The following MAGI2 variants were observed in gnomAD, a reference collection of about 807,000 sequenced individuals.
MAGI2 encodes membrane associated guanylate kinase, WW and PDZ domain containing 2, also known as membrane-associated guanylate kinase, WW and PDZ domain-containing protein 2.
In MAGI2, 35 loss-of-function variants were observed where a neutral mutation model predicts 133.3. The observed-to-expected ratio is 0.26, with a 90% CI of 0.20 to 0.35. The LOEUF (loss-of-function observed/expected upper bound fraction) is 0.35, where lower values mean the gene tolerates loss of function less well. Ranked by LOEUF, MAGI2 falls within the 10% of genes least tolerant of loss-of-function variation. The pLI, the probability that MAGI2 is intolerant of heterozygous loss-of-function variation, is 1.00. For missense variants in MAGI2, 1,636 were observed against 1,863.4 expected (o/e 0.88, Z 2.25); for synonymous variants, 729 against 710.6 (o/e 1.03, Z -0.41).
chr7:79,138,369 C>T (rs1175021683), intron 1 of MAGI2, among the ~76,000 whole-genome samples: 1 of 152,124 alleles, frequency 6.6e-6, no homozygotes, highest in African/African-American at 2.4e-5. Context: ...AACTGTATTC[C>T]CTTTCTGTGC....
chr7:79,107,802 C>A (rs1818569451), intron 1 of MAGI2, among the ~76,000 whole-genome samples: 1 of 152,158 alleles, frequency 6.6e-6, no homozygotes, highest in African/African-American at 2.4e-5. Flanking sequence ...TGCTCTTTAA[C>A]TGGGCACCCT....
chr7:79,369,263 C>G (rs776564725), intron 1 of MAGI2, among the ~76,000 whole-genome samples: 7 of 152,124 alleles, frequency 4.6e-5, no homozygotes, highest in Non-Finnish European at 7.4e-5. Context: ...TTTGGCAATT[C>G]TATTGCAGGT....
chr7:79,198,204 G>C (rs1309728675), intron 1 of MAGI2, among the ~76,000 whole-genome samples: 1 of 151,948 alleles, frequency 6.6e-6, no homozygotes, highest in East Asian at 1.9e-4. Flanking sequence ...AATGTGCCAT[G>C]ATCATGCCAC....
chr7:78,439,494 T>C (rs1002649523), intron 6 of MAGI2, among the ~76,000 whole-genome samples: 4 of 152,066 alleles, frequency 2.6e-5, no homozygotes, highest in Non-Finnish European at 4.4e-5. Flanking sequence ...TATGACAGCA[T>C]TTGGAGAGGT....
chr7:78,474,370 C>T (rs181202509), intron 6 of MAGI2, among the ~76,000 whole-genome samples: 10 of 152,000 alleles, frequency 6.6e-5, no homozygotes, highest in African/African-American at 1.9e-4. Context: ...GCTATGCTCC[C>T]AAGAAAACCC....
chr7:78,230,976 T>C (rs896874503), intron 10 of MAGI2, among the ~76,000 whole-genome samples: 12 of 152,200 alleles, frequency 7.9e-5, no homozygotes, highest in Non-Finnish European at 1.5e-4. Flanking sequence ...AGTAATTTCA[T>C]AGAAATCTCT....
At chr7:79,353,157 C>T (rs915985535) in intron 1 of MAGI2, among the ~76,000 whole-genome samples, 1 of 152,088 alleles carries the variant, frequency 6.6e-6, no homozygotes, top group Non-Finnish European at 1.5e-5. Context: ...GGGCAACAAA[C>T]ATAGTGGTCC....
chr7:78,932,025 T>G (rs569899484), intron 2 of MAGI2, among the ~76,000 whole-genome samples: 61 of 148,742 alleles, frequency 4.1e-4, no homozygotes, highest in African/African-American at 1.3e-3. Flanking sequence ...ACCCACATGA[T>G]TTATTCAGTG....
In MAGI2 at chr7:78,989,074, G is replaced by A. The variant is rs140104521; in HGVS notation, c.418+18016C>T. On this transcript the variant is annotated intron_variant, in intron 2 of 21. Coordinates refer to ENST00000354212, the MANE Select transcript of MAGI2 (RefSeq NM_012301.4). ...AGAATAAGTATGCATGGACATCTGA[G>A]TGGAAACTGTACTAGTAGAAAAATG... Among the ~76,000 whole-genome samples the A allele has an allele frequency of 3.0e-3, 452 of 152,172 alleles. 3 individuals carry two copies. Among genetic ancestry groups the A allele is most frequent in the African/African-American group, 9.5e-3 (394 of 41,554 alleles).
At chr7:78,070,768 G>A (rs547126773) in intron 21 of MAGI2, among the ~76,000 whole-genome samples, 34 of 151,726 alleles carry the variant, frequency 2.2e-4, no homozygotes, top group African/African-American at 7.5e-4. Flanking sequence ...TCAGCCTCCC[G>A]AGTAGCTAGG....
At chr7:79,054,912 T>A (rs1322478107) in intron 1 of MAGI2, among the ~76,000 whole-genome samples, 1 of 152,164 alleles carries the variant, frequency 6.6e-6, no homozygotes, top group Non-Finnish European at 1.5e-5. Context: ...TGCCTCAGCC[T>A]CCCAAGTAGC....
intron 2 of MAGI2, among the ~76,000 whole-genome samples, chr7:78,960,907 C>G (rs1403950875): frequency 2.0e-5 from 3 of 152,008 alleles, no homozygotes; most frequent in African/African-American, 7.2e-5. Flanking sequence ...GAATGAAGAC[C>G]TGGAATGATT....
At chr7:79,052,847 C>T (rs1812799276) in intron 1 of MAGI2, among the ~76,000 whole-genome samples, 1 of 152,092 alleles carries the variant, frequency 6.6e-6, no homozygotes, top group Non-Finnish European at 1.5e-5. Flanking sequence ...GTGACATTGG[C>T]ATATTCTTAA....
At chr7:78,038,850 G>A (rs527418428) in intron 21 of MAGI2, among the ~76,000 whole-genome samples, 106 of 152,358 alleles carry the variant, frequency 7.0e-4, no homozygotes, top group African/African-American at 2.5e-3. Flanking sequence ...TGTTGGTTTA[G>A]TTAAGTTCGT....
At chr7:78,913,676 G>C (rs902734925) in intron 2 of MAGI2, among the ~76,000 whole-genome samples, 1 of 152,072 alleles carries the variant, frequency 6.6e-6, no homozygotes, top group African/African-American at 2.4e-5. Context: ...TAATGTCAGT[G>C]TCAACTAATT....
intron 18 of MAGI2, among the ~76,000 whole-genome samples, chr7:78,128,331 A>G (rs1453971045): frequency 6.6e-6 from 1 of 152,198 alleles, no homozygotes; most frequent in African/African-American, 2.4e-5. Flanking sequence ...AATTGTCACC[A>G]TGGTATGGAG....
At chr7:78,932,709 A>G (rs1584432839) in intron 2 of MAGI2, among the ~76,000 whole-genome samples, 1 of 152,134 alleles carries the variant, frequency 6.6e-6, no homozygotes, top group South Asian at 2.1e-4. Flanking sequence ...AAGAAAAGAC[A>G]TAGTATTAAA....
intron 9 of MAGI2, among the ~76,000 whole-genome samples, chr7:78,324,212 C>CACTACACTAT (rs1788343073): frequency 6.6e-6 from 1 of 150,908 alleles, no homozygotes; most frequent in Non-Finnish European, 1.5e-5. Context: ...CACTACACTA[C>CACTACACTAT]ACTTTAGAAG....
chr7:78,491,754 T>G lies in MAGI2; in HGVS notation c.966-1914A>C, dbSNP rs138895516. Among the ~76,000 whole-genome samples the G allele has an allele frequency of 4.5e-3, 682 of 152,126 alleles. 5 individuals are homozygous for G. Among genetic ancestry groups the G allele is most frequent in the African/African-American group, 0.016 (662 of 41,532 alleles). On this transcript the variant is annotated intron_variant, in intron 5 of 21. Transcript: ENST00000354212. Reference sequence around the variant, plus strand: ...GAACTAAAGACTTGAAGCTTGAGGATGCAGGTTCTGACTATTCCTAATGTG... The same window carrying G: ...GAACTAAAGACTTGAAGCTTGAGGAGGCAGGTTCTGACTATTCCTAATGTG...
Sources: allele counts gnomAD v4.1 joint callset (sites outside exome capture counted in the v4.1 genomes callset), GRCh38; gene constraint gnomAD v4.1.1; transcripts MANE v1.5; gene names NCBI Gene and HGNC (gene_info 2026-07-23, HGNC 2026-07-21).